DPAGT1: variants seen among roughly 807,000 people sequenced by gnomAD.
DPAGT1 encodes dolichyl-phosphate N-acetylglucosaminephosphotransferase 1, also known as UDP-N-acetylglucosamine--dolichyl-phosphate N-acetylglucosaminephosphotransferase.
Under a neutral mutation model 39.3 loss-of-function variants are expected in DPAGT1, and 25 were observed. That is an observed-to-expected ratio of 0.64 (90% confidence interval 0.46 to 0.89). DPAGT1 has a LOEUF of 0.89. DPAGT1 is among the 40% of genes least tolerant of loss of function. The pLI, the probability that DPAGT1 is intolerant of heterozygous loss-of-function variation, is 0.00. For synonymous variants in DPAGT1, 193 were observed against 201.4 expected, an observed-to-expected ratio of 0.96 and a Z score of 0.36; for missense variants, 381 against 500.6, an observed-to-expected ratio of 0.76 and a Z score of 2.28.
chr11:119,094,998 C>G (rs757697119), downstream of DPAGT1: 16 of 1,612,702 alleles, frequency 9.9e-6, no homozygotes, highest in Non-Finnish European at 1.4e-5. Flanking sequence ...GCCTTCTTGC[C>G]GCCCGAGGGC....
rs1946419560 is a variant in DPAGT1 at position 119,097,495 on chromosome 11, C to T, written c.974G>A (p.Ser325Asn). Residue 325 changes from serine to asparagine, a missense_variant, in exon 7 of 9, where the codon AGC (serine) becomes AAC (asparagine). Transcript: ENST00000354202. This position sits in a 1 kb window ranked among gnomAD's most constrained non-coding sequence, Gnocchi z 4.6. ...AATAAAGGTGCCCAAGAAAGAGAGG[C>T]TCTTGGTCTTGAACTTGGAATAGCT... ...EMSYSKFKTK[S>N]LSFLGTFILK... 6.2e-7 allele frequency: 1 copy of T among 1,614,072 alleles called. No individual in the cohort carries two copies. Among genetic ancestry groups the T allele is most frequent in the Non-Finnish European group, 8.5e-7 (1 of 1,180,056 alleles).
At position 119,101,041 on chromosome 11, in the gene DPAGT1, A is replaced by C. The variant is rs1254205524; in HGVS notation, c.259T>G (p.Cys87Gly). ...PFLNCFVKEQ[C>G]KAFPHHEFVA... is the part of the protein sequence containing the mutation. ...ACTTCATGGTGGGGGAATGCCTTAC[A>C]CTGCTCCTTCACAAAGCAGTTCAGG... The change falls in exon 2 of 9, where the codon TGT becomes GGT. Residue 87 changes from cysteine to glycine, a missense_variant. Cys to Gly is a radical substitution (Grantham distance 159). Coordinates refer to ENST00000354202, the MANE Select transcript of DPAGT1 (RefSeq NM_001382.4). 1 of 1,614,150 alleles carries C rather than the reference A, an allele frequency of 6.2e-7. No individual in the cohort carries two copies. Among genetic ancestry groups the C allele is most frequent in the African/African-American group, 1.3e-5 (1 of 75,020 alleles).
rs1946402816 is a variant in DPAGT1, at chr11:119,096,865, C to G, written c.*133G>C. On this transcript the variant is annotated 3_prime_UTR_variant, in exon 9 of 9. Transcript: ENST00000354202. ...CAATGATCACAGAGAAAGGAAAATG[C>G]TGAGAACAAAATCTGGAGGAGTATG... 9.2e-7 allele frequency: 1 copy of G among 1,087,476 alleles called. No individual in the cohort carries two copies. The highest frequency in any genetic ancestry group is 1.4e-6 in the Non-Finnish European group (1 of 728,454). The allele number at this position is 1,087,476 out of a possible 1,614,324, so 67.4% of individuals were successfully genotyped here.
Position 119,097,633 on chromosome 11 carries a change from T to C in DPAGT1, c.918-82A>G. 1.3e-6 allele frequency: 2 copies of C among 1,531,090 alleles called. No individual in the cohort carries two copies. The highest frequency in any genetic ancestry group is 1.8e-6 in the Non-Finnish European group (2 of 1,105,448). 94.8% of individuals were successfully genotyped at this position (1,531,090 alleles called of 1,614,324 possible). ...TGGCTAATAGGAAGAGCATTGAATGTGGAGTCAACCTGAGATCTATTTCTG... is the reference window on the plus strand; with the variant it reads ...TGGCTAATAGGAAGAGCATTGAATGCGGAGTCAACCTGAGATCTATTTCTG... On this transcript the variant is annotated intron_variant, in intron 6 of 8. Coordinates refer to ENST00000354202, the MANE Select transcript of DPAGT1 (RefSeq NM_001382.4). This position sits in a 1 kb window ranked among gnomAD's most constrained non-coding sequence, Gnocchi z 4.6.
downstream of DPAGT1, chr11:119,095,498 GC>G (rs1946378363): frequency 3.9e-6 from 5 of 1,266,340 alleles, no homozygotes; most frequent in Middle Eastern, 2.8e-4. Flanking sequence ...GCCTTTATAA[GC>G]CCCCAGGACA....
At chr11:119,095,776 T>C (rs1946382900), downstream of DPAGT1, among the ~76,000 whole-genome samples, 1 of 152,106 alleles carries the variant, frequency 6.6e-6, no homozygotes, top group African/African-American at 2.4e-5. Context: ...GGGTGGAGTC[T>C]GAGGCCACCT....
rs757149167 is a variant in DPAGT1, at chr11:119,096,749, T to C, written c.*249A>G. On this transcript the variant is annotated 3_prime_UTR_variant, in exon 9 of 9. Transcript: ENST00000354202. ...ATCCCACCCTATGAGGCTGCAAAGA[T>C]GGGATGGAGAGGGAGAGAGTAGCAA... 1.6e-5 allele frequency: 9 copies of C among 571,558 alleles called. No homozygotes were observed. The highest frequency in any genetic ancestry group is 3.8e-5 in the African/African-American group (2 of 53,084). The allele number at this position is 571,558 out of a possible 1,614,324, so 35.4% of individuals were successfully genotyped here. A position where few individuals can be genotyped will look rare whatever the true frequency, so the allele number is the denominator to read the frequency against.
Position 119,097,028 on chromosome 11 carries a change from A to G in DPAGT1, c.1197T>C (p.Tyr399=). ...CATCATAGAAGAGTCGAACGAGCTG[A>G]TATCGAATGGAGAAGGTGATGGCAC... is the stretch of plus-strand genomic sequence containing the variant. The part of the protein sequence containing the change: ...LGSAITFSIR[Y]QLVRLFYDV The change falls in exon 9 of 9, where the codon TAT becomes TAC. Residue 399 remains tyrosine, a synonymous_variant. Coordinates refer to ENST00000354202, the MANE Select transcript of DPAGT1 (RefSeq NM_001382.4). This position sits in a 1 kb window ranked among gnomAD's most constrained non-coding sequence, Gnocchi z 4.6. 1 of 1,614,194 alleles carries G rather than the reference A, an allele frequency of 6.2e-7. No homozygotes were observed. Among genetic ancestry groups the G allele is most frequent in the Non-Finnish European group, 8.5e-7 (1 of 1,180,036 alleles).
In DPAGT1 at chr11:119,101,699, G is replaced by A; in HGVS notation, c.-44C>T. 6.2e-7 allele frequency: 1 copy of A among 1,613,854 alleles called. No individual in the cohort carries two copies. The highest frequency in any genetic ancestry group is 1.7e-5 in the Admixed American group (1 of 60,024). ...CGGCTCCGCCGCCTCTTCAGGTAAC[G>A]GGCAAGCTGAGCAGCAGTCCTGAGG... On this transcript the variant is annotated 5_prime_UTR_variant, in exon 1 of 9. Transcript: ENST00000354202.
chr11:119,095,575 C>T, downstream of DPAGT1: 1 of 639,948 alleles, frequency 1.6e-6, no homozygotes, highest in South Asian at 2.7e-5. Flanking sequence ...GCGGTTAACC[C>T]TTGGGTGTCG....
chr11:119,094,960 C>G (rs1387830658), downstream of DPAGT1: 1 of 1,607,218 alleles, frequency 6.2e-7, no homozygotes, highest in South Asian at 1.1e-5. Context: ...GGCGCGGGCC[C>G]TCTTAGTACT....
intron 5 of DPAGT1, 51 bp from the exon 6 acceptor site, chr11:119,098,094 C>T (rs777691177): frequency 1.3e-5 from 21 of 1,609,504 alleles, no homozygotes; most frequent in East Asian, 4.5e-5. Flanking sequence ...TTACCAATCC[C>T]TTCTCTCACA....
Position 119,098,198 on chromosome 11 carries a change from A to C in DPAGT1, c.729-155T>G. ...CAACTCTGCAGGATCCAAGGCCCTG[A>C]ATTCATCTATTCCTGGGGCCTCCAC... On this transcript the variant is annotated intron_variant, in intron 5 of 8. Transcript: ENST00000354202. 4.3e-6 allele frequency: 5 copies of C among 1,165,754 alleles called. No homozygotes were observed. In the South Asian group the frequency reaches 6.3e-5, roughly 15 times the overall value. The allele number at this position is 1,165,754 out of a possible 1,614,324, so 72.2% of individuals were successfully genotyped here.
intron 5 of DPAGT1, 174 bp from the exon 6 acceptor site, chr11:119,098,217 C>T (rs1592226524): frequency 9.3e-7 from 1 of 1,079,162 alleles, no homozygotes; most frequent in Non-Finnish European, 1.4e-6. Context: ...ATTCCTGGGG[C>T]CTCCACGCAC....
downstream of DPAGT1, chr11:119,095,455 G>A (rs1946376635): frequency 1.4e-6 from 2 of 1,456,770 alleles, no homozygotes; most frequent in Non-Finnish European, 1.8e-6. Context: ...GCCCGCCGCA[G>A]TGTAACTGCT....
rs965806085 is a variant in DPAGT1, at chr11:119,101,602, C to G, written c.54G>C (p.Ser18=). 1.9e-6 allele frequency: 3 copies of G among 1,614,126 alleles called. No individual in the cohort carries two copies. The highest frequency in any genetic ancestry group is 1.7e-5 in the Admixed American group (1 of 60,010). ...TGACTGTGGCCACAAATCCCAGCAG[C>G]GAGACGATCAAATTGATCAGCAGCG... ...PMPLLINLIV[S]LLGFVATVTL... is the part of the protein sequence containing the mutation. The change falls in exon 1 of 9, where the codon TCG becomes TCC. Residue 18 remains serine, a synonymous_variant. Coordinates refer to ENST00000354202, the MANE Select transcript of DPAGT1 (RefSeq NM_001382.4).
In DPAGT1 at chr11:119,097,615, T is replaced by C; in HGVS notation, c.918-64A>G. The C allele has an allele frequency of 1.9e-6, 3 of 1,577,124 alleles. No homozygotes were observed. The highest frequency in any genetic ancestry group is 1.7e-6 in the Non-Finnish European group (2 of 1,146,724). ...TTTGAACCCTCCTCCCTGTGGCTAA[T>C]AGGAAGAGCATTGAATGTGGAGTCA... On this transcript the variant is annotated intron_variant, in intron 6 of 8. Coordinates refer to ENST00000354202, the MANE Select transcript of DPAGT1 (RefSeq NM_001382.4). This position sits in a 1 kb window ranked among gnomAD's most constrained non-coding sequence, Gnocchi z 4.6.
intron 5 of DPAGT1, 149 bp from the exon 6 acceptor site, chr11:119,098,192 G>A (rs1592226491): frequency 2.5e-6 from 3 of 1,199,696 alleles, no homozygotes. Flanking sequence ...AGGATCCAAG[G>A]CCCTGAATTC....
rs1267685722 is a variant in DPAGT1, at chr11:119,100,359, A to G, written c.546T>C (p.Asn182=). Residue 182 remains asparagine (N), a synonymous_variant, in exon 4 of 9, where the codon AAT becomes AAC. Transcript: ENST00000354202. ...YMGLLAVFCT[N]AINILAGING... ...TAATTCCTGCTAGGATATTGATGGC[A>G]TTGGTACAGAACACTGCCAGCAGCC... The G allele has an allele frequency of 1.2e-6, 2 of 1,614,100 alleles. No homozygotes were observed. The highest frequency in any genetic ancestry group is 2.2e-5 in the East Asian group (1 of 44,902).
Sources: allele counts gnomAD v4.1 joint callset (sites outside exome capture counted in the v4.1 genomes callset), GRCh38; gene constraint gnomAD v4.1.1; non-coding constraint Gnocchi (gnomAD v3.1); transcripts MANE v1.5; gene names NCBI Gene and HGNC (gene_info 2026-07-23, HGNC 2026-07-21).